AK7: variants seen among roughly 807,000 people sequenced by gnomAD.
AK7 encodes the protein ATP-AMP transphosphorylase 7.
AK7 carries 78 observed loss-of-function variants against 96.6 expected under a neutral mutation model. That is an observed-to-expected ratio of 0.81 (90% CI 0.67 to 0.97). The LOEUF (loss-of-function observed/expected upper bound fraction) is 0.97. AK7 is among the 50% of genes least tolerant of loss of function. The probability of loss-of-function intolerance (pLI) is 0.00; values close to 1 mark genes in which losing one functional copy is unlikely to be tolerated. For synonymous variants in AK7, 302 were observed against 317.2 expected, an observed-to-expected ratio of 0.95 and a Z score of 0.51; for missense variants, 855 against 887.9, an observed-to-expected ratio of 0.96 and a Z score of 0.47.
At chr14:96,407,063 C>A (rs1220275584) in intron 3 of AK7, among the ~76,000 whole-genome samples, 1 of 152,100 alleles carries the variant, frequency 6.6e-6, no homozygotes, top group East Asian at 1.9e-4. Context: ...GGAAGGAAGG[C>A]AAGATGACAG....
rs183062006 is a variant in AK7 at position 96,449,615 on chromosome 14, G to A, written c.871-187G>A. On this transcript the variant is annotated intron_variant, in intron 8 of 17. Coordinates refer to ENST00000267584, the MANE Select transcript of AK7 (RefSeq NM_152327.5). ...CGCCTGGCTAACTTTTGTATTTTTCGTAGAGACGGGGTTTCACCATGTCAG... is the reference window on the plus strand; with the variant it reads ...CGCCTGGCTAACTTTTGTATTTTTCATAGAGACGGGGTTTCACCATGTCAG... Among the ~76,000 whole-genome samples, 31 of 152,220 alleles carry A rather than the reference G, an allele frequency of 2.0e-4. No homozygotes were observed. The East Asian group carries it at 4.1e-3, about 20-fold the overall frequency.
chr14:96,395,262 C>G (rs1050623841), intron 1 of AK7, among the ~76,000 whole-genome samples: 3 of 152,162 alleles, frequency 2.0e-5, no homozygotes, highest in Non-Finnish European at 4.4e-5. Context: ...ATACTGCGTT[C>G]TTACAATAAA....
intron 3 of AK7, among the ~76,000 whole-genome samples, chr14:96,406,819 G>A (rs1890739222): frequency 6.6e-6 from 1 of 151,998 alleles, no homozygotes; most frequent in African/African-American, 2.4e-5. Context: ...TGAGTAGCTA[G>A]AATTACAGGT....
Position 96,475,235 on chromosome 14 carries a change from G to A in AK7, c.1555+2480G>A, listed in dbSNP as rs553046813. On this transcript the variant is annotated intron_variant, in intron 14 of 17. Transcript: ENST00000267584. ...AAGAAAGTAGGGCATTGTTTCATTC[G>A]TACTTGTAGGATTTTAATTGAGGGA... 9.8e-4 allele frequency among the ~76,000 whole-genome samples: 149 copies of A among 152,234 alleles called. 1 individual carries two copies. The highest frequency in any genetic ancestry group is 3.3e-3 in the African/African-American group (137 of 41,550).
At chr14:96,403,988 G>GA (rs200072648) in intron 2 of AK7, among the ~76,000 whole-genome samples, 340 of 149,090 alleles carry the variant, frequency 2.3e-3, no homozygotes, top group African/African-American at 7.8e-3. Flanking sequence ...CTACAAAAAA[G>GA]AAAAAAAAAG....
At chr14:96,434,432 C>G (rs1225597941) in intron 5 of AK7, among the ~76,000 whole-genome samples, 28 of 126,766 alleles carry the variant, frequency 2.2e-4, no homozygotes, top group African/African-American at 1.1e-3. Context: ...GTCTCTCTCT[C>G]TCTCTCTCTC....
In AK7 at chr14:96,399,945, C is replaced by T. The variant is rs934820542; in HGVS notation, c.294+1682C>T. ...TGCAGCCTCCAAATCCGACTGCCTC[C>T]TAGACCAGTCCCCGGTTGTCCTGCA... On this transcript the variant is annotated intron_variant, in intron 2 of 17. Coordinates refer to ENST00000267584, the MANE Select transcript of AK7 (RefSeq NM_152327.5). This position sits in a 1 kb window ranked among gnomAD's most constrained non-coding sequence, Gnocchi z 4.1. Among the ~76,000 whole-genome samples, 1 of 151,952 alleles carries T rather than the reference C, an allele frequency of 6.6e-6. No individual in the cohort carries two copies.
In AK7 at chr14:96,464,903, T is replaced by C. The variant is rs28735909; in HGVS notation, c.1358-6575T>C. On this transcript the variant is annotated intron_variant, in intron 12 of 17. Coordinates refer to ENST00000267584, the MANE Select transcript of AK7 (RefSeq NM_152327.5). ...CCAGCAGGTTTGGCTTTATCTGGCCTTTATTCAAGATGGAGTCACTCCGGT... is the reference window on the plus strand; with the variant it reads ...CCAGCAGGTTTGGCTTTATCTGGCCCTTATTCAAGATGGAGTCACTCCGGT... 3.2e-3 allele frequency among the ~76,000 whole-genome samples: 480 copies of C among 152,322 alleles called. 12 individuals carry two copies. Among genetic ancestry groups the C allele is most frequent in the Admixed American group, 0.028 (429 of 15,290 alleles).
Position 96,442,766 on chromosome 14 carries a change from T to C in AK7, c.727T>C (p.Phe243Leu), listed in dbSNP as rs1248994546. The change falls in exon 7 of 18, where the codon TTT (phenylalanine) becomes CTT (leucine). Residue 243 changes from phenylalanine (F) to leucine (L), a missense_variant. Phe to Leu is a conservative substitution (Grantham distance 22). Transcript: ENST00000267584. ...GGGCGAGATTCCTGCATTACCAGTTTTTGGCGATGGAACAAATGTAATTCC... is the reference window on the plus strand; with the variant it reads ...GGGCGAGATTCCTGCATTACCAGTTCTTGGCGATGGAACAAATGTAATTCC... Reference protein sequence around the residue: ...WLGEIPALPVFGDGTNVIPTI... With the variant: ...WLGEIPALPVLGDGTNVIPTI... 6.2e-7 allele frequency: 1 copy of C among 1,614,234 alleles called. No homozygotes were observed. Among genetic ancestry groups the C allele is most frequent in the Non-Finnish European group, 8.5e-7 (1 of 1,180,026 alleles).
At chr14:96,453,138 T>A (rs1320331476) in intron 10 of AK7, among the ~76,000 whole-genome samples, 1 of 152,150 alleles carries the variant, frequency 6.6e-6, no homozygotes, top group Non-Finnish European at 1.5e-5. Flanking sequence ...TAGTTAAGAA[T>A]AAGCAAAACA....
chr14:96,439,525 A>C (rs111353519), intron 6 of AK7, among the ~76,000 whole-genome samples: 1 of 151,994 alleles, frequency 6.6e-6, no homozygotes, highest in East Asian at 1.9e-4. Flanking sequence ...TTAGCCGGGC[A>C]TGGTGGCGGG....
chr14:96,397,959 T>G, intron 1 of AK7, 116 bp from the exon 2 acceptor site: 1 of 1,014,164 alleles, frequency 9.9e-7, no homozygotes, highest in Non-Finnish European at 1.5e-6. Flanking sequence ...AGCATTTGCT[T>G]TGCCTTGGTG....
At chr14:96,461,347 A>G (rs1171886803) in intron 12 of AK7, among the ~76,000 whole-genome samples, 4 of 152,172 alleles carry the variant, frequency 2.6e-5, no homozygotes, top group Non-Finnish European at 5.9e-5. Context: ...AAAAAACAAG[A>G]TAAGACATTC....
chr14:96,446,228 A>C (rs1305219362), intron 7 of AK7, among the ~76,000 whole-genome samples: 1 of 151,630 alleles, frequency 6.6e-6, no homozygotes, highest in African/African-American at 2.4e-5. Flanking sequence ...ACAGGGCAGT[A>C]TGCTAGAAAG....
At chr14:96,456,690 G>T in intron 11 of AK7, 1 of 409,930 alleles carries the variant, frequency 2.4e-6, no homozygotes, top group Non-Finnish European at 4.4e-6. Flanking sequence ...TGGCCACACT[G>T]GCGTCAGAGA....
chr14:96,466,519 T>C (rs1304586513), intron 12 of AK7, among the ~76,000 whole-genome samples: 1 of 152,128 alleles, frequency 6.6e-6, no homozygotes, highest in Non-Finnish European at 1.5e-5. Flanking sequence ...ATTACAGGTG[T>C]GAGCCACACT....
intron 12 of AK7, among the ~76,000 whole-genome samples, chr14:96,469,068 A>T (rs571228349): frequency 5.3e-5 from 8 of 152,254 alleles, no homozygotes; most frequent in African/African-American, 1.9e-4. Context: ...ATGCTGCTGG[A>T]GGTCCCTTCT....
chr14:96,406,447 A>G (rs1163421113), intron 3 of AK7, among the ~76,000 whole-genome samples: 3 of 152,188 alleles, frequency 2.0e-5, no homozygotes. Flanking sequence ...AGAGGTTCGA[A>G]TCATCAAGAA....
Position 96,471,600 on chromosome 14 carries a change from T to A in AK7, c.1480T>A (p.Phe494Ile), listed in dbSNP as rs1894894034. 6.4e-7 allele frequency: 1 copy of A among 1,553,244 alleles called. No individual in the cohort carries two copies. Among genetic ancestry groups the A allele is most frequent in the Non-Finnish European group, 8.7e-7 (1 of 1,154,064 alleles). The part of the protein sequence containing the change: ...PKTYDQAKDL[F>I]NQEDEEEEDD... ...GACCTATGATCAAGCAAAAGACCTGTTCAATCGTAAGTTTGAGTGTTCTAT... is the reference window on the plus strand; with the variant it reads ...GACCTATGATCAAGCAAAAGACCTGATCAATCGTAAGTTTGAGTGTTCTAT... Residue 494 changes from phenylalanine (F) to isoleucine (I), a missense_variant, in exon 13 of 18, where the codon TTC becomes ATC. Phe to Ile is a conservative substitution (Grantham distance 21). Transcript: ENST00000267584.
Sources: allele counts gnomAD v4.1 joint callset (sites outside exome capture counted in the v4.1 genomes callset), GRCh38; gene constraint gnomAD v4.1.1; non-coding constraint Gnocchi (gnomAD v3.1); transcripts MANE v1.5; gene names NCBI Gene and HGNC (gene_info 2026-07-23, HGNC 2026-07-21).